The following DNAH9 variants were observed in gnomAD, a reference collection of about 807,000 sequenced individuals.
DNAH9 encodes the protein DNAH9 variant protein.
DNAH9 carries 345 observed loss-of-function variants against 471.6 expected under a neutral mutation model. The observed-to-expected ratio is 0.73, with a 90% CI of 0.67 to 0.80. The LOEUF (loss-of-function observed/expected upper bound fraction) is 0.80. Ranked by LOEUF, DNAH9 falls within the 30% of genes least tolerant of loss-of-function variation. The pLI is 0.00. For missense variants in DNAH9, 5,407 were observed against 5,609.2 expected, an observed-to-expected ratio of 0.96 and a Z score of 1.15; for synonymous variants, 2,093 against 2,123.6, an observed-to-expected ratio of 0.99 and a Z score of 0.40.
chr17:11,778,213 C>T (rs922937873), intron 38 of DNAH9, among the ~76,000 whole-genome samples: 1 of 151,256 alleles, frequency 6.6e-6, no homozygotes, highest in Non-Finnish European at 1.5e-5. Context: ...TCAGAAACAA[C>T]TACTCGGGAG....
At chr17:11,809,627 C>T (rs76600762) in intron 44 of DNAH9, among the ~76,000 whole-genome samples, 9,616 of 152,078 alleles carry the variant, frequency 0.063, 840 homozygotes, top group African/African-American at 0.2. Flanking sequence ...TATATTCATC[C>T]GCCATGCTGG....
intron 49 of DNAH9, among the ~76,000 whole-genome samples, chr17:11,843,151 A>G (rs575083710): frequency 1.3e-5 from 2 of 152,306 alleles, no homozygotes; most frequent in Admixed American, 1.3e-4. Flanking sequence ...TCCCTTCACT[A>G]CTGTAATTCA....
At chr17:11,787,768 T>C (rs1340864773) in intron 41 of DNAH9, among the ~76,000 whole-genome samples, 3 of 152,184 alleles carry the variant, frequency 2.0e-5, no homozygotes, top group Admixed American at 2.0e-4. Flanking sequence ...GTTTTTCCCA[T>C]ACTGTTCTTG....
At chr17:11,721,795 A>G (rs376675074) in intron 27 of DNAH9, among the ~76,000 whole-genome samples, 20 of 152,334 alleles carry the variant, frequency 1.3e-4, no homozygotes, top group African/African-American at 4.1e-4. Context: ...CTCAGATAGC[A>G]TAACCCTGGG....
intron 49 of DNAH9, among the ~76,000 whole-genome samples, chr17:11,839,204 A>G (rs1328119242): frequency 6.6e-6 from 1 of 152,190 alleles, no homozygotes; most frequent in Non-Finnish European, 1.5e-5. Flanking sequence ...ATAATAGGTA[A>G]CAGCATTTTT....
chr17:11,887,736 TCACACACACACACA>T (rs35670481), intron 57 of DNAH9, among the ~76,000 whole-genome samples: 5 of 147,406 alleles, frequency 3.4e-5, no homozygotes, highest in African/African-American at 1.3e-4. Context: ...ATACACACAG[TCACACACACACACA>T]CACACACACA....
intron 12 of DNAH9, 100 bp downstream of exon 12, chr17:11,647,298 G>T: frequency 8.1e-7 from 1 of 1,235,338 alleles, no homozygotes. Context: ...TTGAGACGGA[G>T]TTTCACTCTT....
chr17:11,809,226 C>G (rs959975407), intron 44 of DNAH9, among the ~76,000 whole-genome samples: 5 of 147,910 alleles, frequency 3.4e-5, no homozygotes, highest in Non-Finnish European at 6.0e-5. Context: ...TGTGTGTTGC[C>G]CCAGTATATT....
At chr17:11,925,657 C>T (rs146264549) in intron 62 of DNAH9, among the ~76,000 whole-genome samples, 1 of 152,306 alleles carries the variant, frequency 6.6e-6, no homozygotes, top group Non-Finnish European at 1.5e-5. Context: ...GCCGCCTCTG[C>T]TGCCCCCGTT....
Position 11,598,753 on chromosome 17 carries a change from C to G in DNAH9, c.255C>G (p.Pro85=). ...RPGPRGLAIR[P]GLEVGPESGL... ...GGCCCAGGGGCCTGGCAATACGCCCCGGGCTGGAGGTGGGACCTGAGTCGG... is the reference window on the plus strand; with the variant it reads ...GGCCCAGGGGCCTGGCAATACGCCCGGGGCTGGAGGTGGGACCTGAGTCGG... The change falls in exon 1 of 69, where the codon CCC becomes CCG. Residue 85 remains proline, a synonymous_variant. Transcript: ENST00000262442. 2 of 1,427,642 alleles carry G rather than the reference C, an allele frequency of 1.4e-6. No homozygotes were observed. The highest frequency in any genetic ancestry group is 1.8e-6 in the Non-Finnish European group (2 of 1,097,128). 88.4% of individuals were successfully genotyped at this position (1,427,642 alleles called of 1,614,324 possible). A position where few individuals can be genotyped will look rare whatever the true frequency, so the allele number is the denominator to read the frequency against.
intron 30 of DNAH9, among the ~76,000 whole-genome samples, chr17:11,742,975 C>T (rs922294811): frequency 1.3e-5 from 2 of 152,260 alleles, no homozygotes; most frequent in South Asian, 2.1e-4. Flanking sequence ...CATTGTATCC[C>T]CTCTCTAGGT....
rs540816747 is a variant in DNAH9, at chr17:11,650,887, T to A, written c.2098-182T>A. Among the ~76,000 whole-genome samples the A allele has an allele frequency of 3.3e-5, 5 of 152,350 alleles. No homozygotes were observed. The South Asian group carries it at 1.0e-3, about 32-fold the overall frequency. On this transcript the variant is annotated intron_variant, in intron 12 of 68. Transcript: ENST00000262442. ...AGCCTTGTTTCTTTCCGAGACATCTTCCTTCTGCCTGATACTTGATTTTCC... is the reference window on the plus strand; with the variant it reads ...AGCCTTGTTTCTTTCCGAGACATCTACCTTCTGCCTGATACTTGATTTTCC...
At chr17:11,807,637 C>G (rs906524696) in intron 43 of DNAH9, 95 bp from the exon 44 acceptor site, 5 of 1,375,762 alleles carry the variant, frequency 3.6e-6, no homozygotes, top group Non-Finnish European at 5.0e-6. Flanking sequence ...GACGTGCCTC[C>G]AAGGAAGGCC....
At chr17:11,779,911 C>T (rs980979251) in intron 38 of DNAH9, among the ~76,000 whole-genome samples, 7 of 152,200 alleles carry the variant, frequency 4.6e-5, no homozygotes, top group African/African-American at 1.7e-4. Context: ...CTTGAAGGAA[C>T]TTGTCTATCT....
chr17:11,646,096 G>A lies in DNAH9; in HGVS notation c.1971-976G>A, dbSNP rs980744434. Among the ~76,000 whole-genome samples, 3 of 151,962 alleles carry A rather than the reference G, an allele frequency of 2.0e-5. No individual in the cohort carries two copies. In the South Asian group the frequency reaches 6.2e-4, roughly 32 times the overall value. ...GGGTTTTACCGTGTTAGCCAGGATTGTCTCGATCTCCTGACCTTGTGATCT... is the reference window on the plus strand; with the variant it reads ...GGGTTTTACCGTGTTAGCCAGGATTATCTCGATCTCCTGACCTTGTGATCT... On this transcript the variant is annotated intron_variant, in intron 11 of 68. Coordinates refer to ENST00000262442, the MANE Select transcript of DNAH9 (RefSeq NM_001372.4).
At chr17:11,845,156 T>TCCCCCCCCCCCCCCCCCCCCCCCCA (rs1567843234) in intron 49 of DNAH9, among the ~76,000 whole-genome samples, 1 of 87,936 alleles carries the variant, frequency 1.1e-5, no homozygotes, top group African/African-American at 4.4e-5. Context: ...TCCTCCCCCC[T>TCCCCCCCCCCCCCCCCCCCCCCCCA]CCCCCGACCC....
At chr17:11,918,986 C>G (rs915482083) in intron 61 of DNAH9, among the ~76,000 whole-genome samples, 2 of 151,460 alleles carry the variant, frequency 1.3e-5, no homozygotes, top group Admixed American at 6.6e-5. Flanking sequence ...AACTCCATCT[C>G]AAAAAATAAA....
At chr17:11,611,836 A>C (rs1346996625) in intron 4 of DNAH9, 56 bp downstream of exon 4, 1 of 1,569,758 alleles carries the variant, frequency 6.4e-7, no homozygotes, top group Non-Finnish European at 8.8e-7. Context: ...CCGTCGAATG[A>C]TGCATTCACC....
chr17:11,812,425 T>C (rs575112841), intron 45 of DNAH9, among the ~76,000 whole-genome samples: 13 of 152,164 alleles, frequency 8.5e-5, no homozygotes, highest in African/African-American at 3.1e-4. Flanking sequence ...ATCTACTATA[T>C]ATTGTAAGTA....
Sources: gnomAD v4.1 joint callset for allele counts (sites outside exome capture counted in the v4.1 genomes callset) on GRCh38, gnomAD v4.1.1 for gene constraint, MANE v1.5 for transcripts, NCBI Gene and HGNC (gene_info 2026-07-23, HGNC 2026-07-21) for gene names.